Variants in RHOQ observed in about 807,000 individuals in gnomAD.
RHOQ encodes ras homolog family member Q, also known as rho-related GTP-binding protein RhoQ.
Under a neutral mutation model 25.8 loss-of-function variants are expected in RHOQ, and 7 were observed. That is an observed-to-expected ratio of 0.27 (90% CI 0.15 to 0.51). The LOEUF is 0.51. Ranked by LOEUF, RHOQ falls within the 20% of genes least tolerant of loss-of-function variation. The pLI, the probability that RHOQ is intolerant of heterozygous loss-of-function variation, is 0.97. For synonymous variants in RHOQ, 97 were observed against 98.6 expected (o/e 0.98, Z 0.10); for missense variants, 165 against 260.6 (o/e 0.63, Z 2.53).
chr2:46,546,312 C>T (rs1224089415), intron 2 of RHOQ, among the ~76,000 whole-genome samples: 2 of 151,000 alleles, frequency 1.3e-5, no homozygotes, highest in African/African-American at 4.9e-5. Flanking sequence ...TGCACTTGGT[C>T]ATTAAGACCT....
chr2:46,546,965 G>T (rs545900030), intron 2 of RHOQ, among the ~76,000 whole-genome samples: 52 of 152,240 alleles, frequency 3.4e-4, no homozygotes, highest in Non-Finnish European at 5.9e-4. Flanking sequence ...GGGATCCATG[G>T]TTCCAAGCCC....
chr2:46,543,261 C>T, intron 1 of RHOQ, 73 bp downstream of exon 1: 1 of 1,554,210 alleles, frequency 6.4e-7, no homozygotes, highest in Non-Finnish European at 8.8e-7. Context: ...GGCGGAGCCC[C>T]CTCGCCGCCT....
At chr2:46,549,889 C>T (rs1668188215) in intron 2 of RHOQ, among the ~76,000 whole-genome samples, 1 of 152,154 alleles carries the variant, frequency 6.6e-6, no homozygotes, top group African/African-American at 2.4e-5. Context: ...GTGCTCAGCC[C>T]AGTGCCTGCT....
rs62134741 is a variant in RHOQ at position 46,555,050 on chromosome 2, G to T, written c.201+11238G>T. ...CCTTGGCCCTGGAGGAATGGGGAAG[G>T]GACTGGACACGAGGAGGGACAGAGC... On this transcript the variant is annotated intron_variant, in intron 2 of 4. Coordinates refer to ENST00000238738, the MANE Select transcript of RHOQ (RefSeq NM_012249.4). This position sits in a 1 kb window ranked among gnomAD's most constrained non-coding sequence, Gnocchi z 4.3. Among the ~76,000 whole-genome samples the T allele has an allele frequency of 6.6e-6, 1 of 152,072 alleles. No homozygotes were observed. Among genetic ancestry groups the T allele is most frequent in the Non-Finnish European group, 1.5e-5 (1 of 68,012 alleles).
At chr2:46,544,696 A>G (rs1025215844) in intron 2 of RHOQ, among the ~76,000 whole-genome samples, 2 of 152,232 alleles carry the variant, frequency 1.3e-5, no homozygotes, top group African/African-American at 4.8e-5. Flanking sequence ...ATCCAGCACT[A>G]TGATTAGAGT....
chr2:46,565,317 G>C (rs1452837489), intron 2 of RHOQ, among the ~76,000 whole-genome samples: 1 of 152,206 alleles, frequency 6.6e-6, no homozygotes, highest in African/African-American at 2.4e-5. Context: ...CTGAATCAGA[G>C]TTTTCGAAAG....
At position 46,581,226 on chromosome 2, in the gene RHOQ, G is replaced by A. The variant is rs572259148; in HGVS notation, c.*143G>A. Reference sequence around the variant, plus strand: ...AAACCTGTCCTCAGAATTCTATAAAGTGTATTAAGAATGTTCCTTAAAGGT... The same window carrying A: ...AAACCTGTCCTCAGAATTCTATAAAATGTATTAAGAATGTTCCTTAAAGGT... On this transcript the variant is annotated 3_prime_UTR_variant, in exon 5 of 5. Transcript: ENST00000238738. 5.1e-6 allele frequency: 5 copies of A among 977,422 alleles called. No individual in the cohort carries two copies. The South Asian group carries it at 9.6e-5, about 19-fold the overall frequency. The allele number at this position is 977,422 out of a possible 1,614,324, so 60.5% of individuals were successfully genotyped here.
At chr2:46,543,260 C>G in intron 1 of RHOQ, 72 bp downstream of exon 1, 1 of 1,557,766 alleles carries the variant, frequency 6.4e-7, no homozygotes, top group Non-Finnish European at 8.8e-7. Context: ...TGGCGGAGCC[C>G]CCTCGCCGCC....
intron 2 of RHOQ, among the ~76,000 whole-genome samples, chr2:46,549,404 T>G (rs2053900): frequency 0.79 from 120,084 of 152,008 alleles, 48,058 homozygotes; most frequent in African/African-American, 0.91. Context: ...TTCAAGAGAT[T>G]AGATCTAATG....
At position 46,558,522 on chromosome 2, in the gene RHOQ, T is replaced by C. The variant is rs187410941; in HGVS notation, c.201+14710T>C. Among the ~76,000 whole-genome samples, 1,279 of 152,342 alleles carry C rather than the reference T, an allele frequency of 8.4e-3. 11 individuals carry two copies. The highest frequency in any genetic ancestry group is 0.014 in the Non-Finnish European group (977 of 68,026). On this transcript the variant is annotated intron_variant, in intron 2 of 4. Transcript: ENST00000238738. The stretch of plus-strand genomic sequence containing the variant: ...GTTGTTTAGAAGTCCCCTGCCAACC[T>C]GATCCCTGATCCATTGTCAGGAACC...
At position 46,543,030 on chromosome 2, in the gene RHOQ, G is replaced by T; in HGVS notation, c.-17G>T. On this transcript the variant is annotated 5_prime_UTR_variant, in exon 1 of 5. The change creates a new upstream start codon in the 5' untranslated region. Coordinates refer to ENST00000238738, the MANE Select transcript of RHOQ (RefSeq NM_012249.4). ...GGGCTCCGGGGGGACCATGCCCGGA[G>T]GCCGGCCGGCAGCAGCATGGCTCAC... 6.4e-7 allele frequency: 1 copy of T among 1,569,250 alleles called. No homozygotes were observed.
rs1240874071 is a variant in RHOQ, at chr2:46,556,290, C to T, written c.201+12478C>T. ...TCTTTCTCTTTCCATTTTATTCCTG[C>T]CCCCGCTCTTTTTCAGTTGTTCTTC... On this transcript the variant is annotated intron_variant, in intron 2 of 4. Transcript: ENST00000238738. The surrounding 1 kb of genome is among the most constrained non-coding windows in gnomAD (Gnocchi z 4.9). Among the ~76,000 whole-genome samples the T allele has an allele frequency of 6.6e-6, 1 of 152,072 alleles. No homozygotes were observed. The highest frequency in any genetic ancestry group is 2.4e-5 in the African/African-American group (1 of 41,398).
At chr2:46,571,400 A>G (rs892930554) in intron 2 of RHOQ, among the ~76,000 whole-genome samples, 3 of 152,242 alleles carry the variant, frequency 2.0e-5, no homozygotes, top group African/African-American at 7.2e-5. Context: ...GTCCAGGCAC[A>G]TTGTGGGCAC....
intron 2 of RHOQ, among the ~76,000 whole-genome samples, chr2:46,571,637 A>G (rs1453673739): frequency 6.6e-6 from 1 of 152,000 alleles, no homozygotes; most frequent in African/African-American, 2.4e-5. Context: ...ATTCCCTCCT[A>G]TTGTTGTATA....
intron 2 of RHOQ, among the ~76,000 whole-genome samples, chr2:46,551,066 C>G (rs1993077): frequency 0.81 from 122,499 of 152,160 alleles, 49,864 homozygotes; most frequent in African/African-American, 0.91. Flanking sequence ...ACACTGGACT[C>G]CCAGGGCCCA....
At chr2:46,546,472 AT>A (rs1668054844) in intron 2 of RHOQ, among the ~76,000 whole-genome samples, 1 of 70,004 alleles carries the variant, frequency 1.4e-5, no homozygotes, top group African/African-American at 5.4e-5. Flanking sequence ...ATATATATAT[AT>A]GTGTATATAT....
At chr2:46,559,271 T>C (rs1439021631) in intron 2 of RHOQ, among the ~76,000 whole-genome samples, 1 of 152,190 alleles carries the variant, frequency 6.6e-6, no homozygotes, top group African/African-American at 2.4e-5. Context: ...TTTGGAATTA[T>C]AGGCATGAGC....
intron 2 of RHOQ, chr2:46,560,725 T>A: frequency 2.3e-6 from 1 of 432,926 alleles, no homozygotes; most frequent in Middle Eastern, 3.4e-4. Context: ...ATGCAATTTC[T>A]ACTTTGCTAG....
intron 4 of RHOQ, chr2:46,579,907 G>C (rs1238633641): frequency 6.6e-6 from 1 of 151,186 alleles, no homozygotes; most frequent in Non-Finnish European, 1.5e-5. Flanking sequence ...CACACATCTA[G>C]CCTTCGGCAC....
Sources: allele counts gnomAD v4.1 joint callset (sites outside exome capture counted in the v4.1 genomes callset), GRCh38; gene constraint gnomAD v4.1.1; non-coding constraint Gnocchi (gnomAD v3.1); transcripts MANE v1.5; gene names NCBI Gene and HGNC (gene_info 2026-07-23, HGNC 2026-07-21).